PPARGC1B: variants seen among roughly 807,000 people sequenced by gnomAD.
PPARGC1B encodes peroxisome proliferator-activated receptor gamma coactivator 1-beta.
Under a neutral mutation model 101.6 loss-of-function variants are expected in PPARGC1B, and 34 were observed. The ratio of observed to expected loss-of-function variants is 0.33; its 90% CI spans 0.25 to 0.45. The LOEUF is 0.45. PPARGC1B is among the 20% of genes least tolerant of loss of function. PPARGC1B has a pLI of 1.00. For synonymous variants in PPARGC1B, 548 were observed against 539.3 expected (o/e 1.02, Z -0.22); for missense variants, 1,234 against 1,317.6 (o/e 0.94, Z 0.98).
At chr5:149,857,468 A>G (rs1049571946), downstream of PPARGC1B, among the ~76,000 whole-genome samples, 2 of 152,212 alleles carry the variant, frequency 1.3e-5, no homozygotes, top group Non-Finnish European at 2.9e-5. Flanking sequence ...CCTGAGTGAC[A>G]CTTATTTCTC....
chr5:149,808,712 C>CTA (rs1757690094), intron 1 of PPARGC1B, among the ~76,000 whole-genome samples: 2 of 152,162 alleles, frequency 1.3e-5, no homozygotes, highest in Admixed American at 1.3e-4. Flanking sequence ...GTACACGGTC[C>CTA]TATACCCTTT....
At chr5:149,766,395 C>G (rs1755914449) in intron 1 of PPARGC1B, among the ~76,000 whole-genome samples, 1 of 152,174 alleles carries the variant, frequency 6.6e-6, no homozygotes, top group Non-Finnish European at 1.5e-5. Flanking sequence ...GACAGCTTGA[C>G]TAGCACTTTG....
chr5:149,813,265 C>A (rs1186867584), intron 1 of PPARGC1B, among the ~76,000 whole-genome samples: 1 of 152,202 alleles, frequency 6.6e-6, no homozygotes, highest in African/African-American at 2.4e-5. Context: ...TGCCTCAGAT[C>A]ATCAAATACA....
chr5:149,775,192 C>T (rs1272156316), intron 1 of PPARGC1B, among the ~76,000 whole-genome samples: 1 of 152,184 alleles, frequency 6.6e-6, no homozygotes, highest in East Asian at 1.9e-4. Context: ...GAAGCCATAA[C>T]TACAGCCCAG....
intron 1 of PPARGC1B, among the ~76,000 whole-genome samples, chr5:149,808,063 G>T (rs1757667249): frequency 6.6e-6 from 1 of 152,080 alleles, no homozygotes; most frequent in South Asian, 2.1e-4. Flanking sequence ...TAAAACAAAG[G>T]CAGAAACAGC....
rs535099824 is a variant in PPARGC1B, at chr5:149,838,545, G to T, written c.2618+1472G>T. Among the ~76,000 whole-genome samples the T allele has an allele frequency of 2.6e-5, 4 of 152,328 alleles. No homozygotes were observed. The South Asian group carries it at 8.3e-4, about 32-fold the overall frequency. On this transcript the variant is annotated intron_variant, in intron 8 of 11. Coordinates refer to ENST00000309241, the MANE Select transcript of PPARGC1B (RefSeq NM_133263.4). ...CACTCCATCTCCACATTAGGCAGTT[G>T]CCCAGGTTCTCTTCATGTTGAAATA...
chr5:149,833,790 T>G lies in PPARGC1B; in HGVS notation c.1705+12T>G, dbSNP rs1049632245. The G allele has an allele frequency of 6.7e-7, 1 of 1,484,440 alleles. No individual in the cohort carries two copies. Among genetic ancestry groups the G allele is most frequent in the African/African-American group, 1.4e-5 (1 of 71,914 alleles). 92.0% of individuals were successfully genotyped at this position (1,484,440 alleles called of 1,614,324 possible). On this transcript the variant is annotated intron_variant, in intron 5 of 11. Transcript: ENST00000309241. This position sits in a 1 kb window ranked among gnomAD's most constrained non-coding sequence, Gnocchi z 4.1. ...GCTCCCTCCCAGAGGTAGTCAGAGT[T>G]GGTGGTCTGCGAAGTGGGGGCAGGG...
chr5:149,765,335 T>C (rs1181517618), intron 1 of PPARGC1B, among the ~76,000 whole-genome samples: 1 of 152,204 alleles, frequency 6.6e-6, no homozygotes, highest in East Asian at 1.9e-4. Flanking sequence ...AAGGCCTCTC[T>C]CCAGGACCCC....
At chr5:149,754,144 A>C (rs1414436163) in intron 1 of PPARGC1B, among the ~76,000 whole-genome samples, 1 of 152,226 alleles carries the variant, frequency 6.6e-6, no homozygotes, top group Non-Finnish European at 1.5e-5. Context: ...GATCTTTGCC[A>C]ATCTGGAGTC....
intron 1 of PPARGC1B, among the ~76,000 whole-genome samples, chr5:149,775,538 A>G (rs188463587): frequency 6.6e-6 from 1 of 152,132 alleles, no homozygotes; most frequent in East Asian, 1.9e-4. Flanking sequence ...CAGTCTCCAC[A>G]CTCTTACCCC....
chr5:149,826,729 C>A lies in PPARGC1B; in HGVS notation c.309C>A (p.Ile103=). 1.2e-6 allele frequency: 2 copies of A among 1,614,014 alleles called. No homozygotes were observed. The highest frequency in any genetic ancestry group is 1.7e-6 in the Non-Finnish European group (2 of 1,179,984). The part of the protein sequence containing the change: ...LAELTKTLDD[I]PEDDVGLAAF... ...AGCTCACCAAGACCCTGGATGACAT[C>A]CCTGAAGATGACGTGGGTCTGGCTG... The change falls in exon 3 of 12, where the codon ATC becomes ATA. Residue 103 remains isoleucine (I), a synonymous_variant. Transcript: ENST00000309241.
Position 149,830,696 on chromosome 5 carries a change from G to A in PPARGC1B, c.466-71G>A, listed in dbSNP as rs558608743. The A allele has an allele frequency of 1.3e-5, 15 of 1,127,106 alleles. No individual in the cohort carries two copies. In the East Asian group the frequency reaches 3.5e-4, roughly 26 times the overall value. The allele number at this position is 1,127,106 out of a possible 1,614,324, so 69.8% of individuals were successfully genotyped here. A position where few individuals can be genotyped will look rare whatever the true frequency, so the allele number is the denominator to read the frequency against. On this transcript the variant is annotated intron_variant, in intron 3 of 11. Coordinates refer to ENST00000309241, the MANE Select transcript of PPARGC1B (RefSeq NM_133263.4). ...TGATGCCCAAGGTCAGTCCTGAGGG[G>A]CTGGCCATGCAGTCCATGTCCTCTG...
intron 1 of PPARGC1B, among the ~76,000 whole-genome samples, chr5:149,775,452 A>G (rs900733819): frequency 2.6e-5 from 4 of 152,150 alleles, no homozygotes; most frequent in Non-Finnish European, 1.5e-5. Flanking sequence ...ATGTGGCCAC[A>G]GGGATAAAGG....
chr5:149,737,832 A>G (rs1176725459), intron 1 of PPARGC1B, among the ~76,000 whole-genome samples: 1 of 152,170 alleles, frequency 6.6e-6, no homozygotes, highest in Non-Finnish European at 1.5e-5. Context: ...CGTCTCTACT[A>G]AAAATACAAA....
At position 149,840,089 on chromosome 5, in the gene PPARGC1B, C is replaced by T. The variant is rs566927619; in HGVS notation, c.2667C>T (p.His889=). Residue 889 remains histidine, a synonymous_variant, in exon 9 of 12, where the codon CAC becomes CAT. Transcript: ENST00000309241. ...PCSDRTPSIR[H]ARKRREKAIG... ...CAGACAGAACGCCAAGCATCCGGCACGCCAGGAAGCGGCGGGAAAAGGCCA... is the reference window on the plus strand; with the variant it reads ...CAGACAGAACGCCAAGCATCCGGCATGCCAGGAAGCGGCGGGAAAAGGCCA... 36 of 1,613,544 alleles carry T rather than the reference C, an allele frequency of 2.2e-5. No homozygotes were observed. The highest frequency in any genetic ancestry group is 3.3e-4 in the Middle Eastern group (2 of 6,060).
intron 1 of PPARGC1B, among the ~76,000 whole-genome samples, chr5:149,756,600 G>T (rs1157121324): frequency 3.9e-5 from 6 of 152,220 alleles, no homozygotes; most frequent in Non-Finnish European, 1.5e-5. Flanking sequence ...CCAGCGTCAG[G>T]TCTAAATGTC....
chr5:149,730,665 C>A lies in PPARGC1B; in HGVS notation c.78+245C>A, dbSNP rs1283451906. Among the ~76,000 whole-genome samples, 1 of 152,148 alleles carries A rather than the reference C, an allele frequency of 6.6e-6. No homozygotes were observed. The highest frequency in any genetic ancestry group is 1.5e-5 in the Non-Finnish European group (1 of 68,000). On this transcript the variant is annotated intron_variant, in intron 1 of 11. Coordinates refer to ENST00000309241, the MANE Select transcript of PPARGC1B (RefSeq NM_133263.4). This position sits in a 1 kb window ranked among gnomAD's most constrained non-coding sequence, Gnocchi z 4.0. ...CCGCTGGGGAGGGTCTAGCCTTGGC[C>A]GCTTGGAGTCTGCCACCCCGCGGGC... is the stretch of plus-strand genomic sequence containing the variant.
rs1026145291 is a variant in PPARGC1B at position 149,833,262 on chromosome 5, G to A, written c.1189G>A (p.Ala397Thr). The change falls in exon 5 of 12, where the codon GCA becomes ACA. Residue 397 changes from alanine to threonine, a missense_variant. This residue lies in a region of PPARGC1B where 734 missense variants were observed against 768.4 expected (regional missense o/e 0.96). Coordinates refer to ENST00000309241, the MANE Select transcript of PPARGC1B (RefSeq NM_133263.4). This position sits in a 1 kb window ranked among gnomAD's most constrained non-coding sequence, Gnocchi z 4.1. ...RPSSVEEVRI[A>T]ASPKSTGPRP... ...GTCCTCGGTGGAGGAGGTAAGGATC[G>A]CAGCTTCACCCAAGAGCACCGGGCC... 1.9e-6 allele frequency: 3 copies of A among 1,613,332 alleles called. No homozygotes were observed. Among genetic ancestry groups the A allele is most frequent in the Non-Finnish European group, 2.5e-6 (3 of 1,180,002 alleles).
rs1231480772 is a variant in PPARGC1B, at chr5:149,820,421, C to G, written c.79-12C>G. 1 of 1,611,800 alleles carries G rather than the reference C, an allele frequency of 6.2e-7. No individual in the cohort carries two copies. ...CAGCTCTGATCCACCTCTTTCCTTC[C>G]TGTCTCCTCAGGGTGGAGGGTCCGG... On this transcript the variant is annotated splice_polypyrimidine_tract_variant and intron_variant, in intron 1 of 11. Transcript: ENST00000309241.
Sources: allele counts gnomAD v4.1 joint callset (sites outside exome capture counted in the v4.1 genomes callset), GRCh38; gene constraint gnomAD v4.1.1; regional missense constraint gnomAD v4.1.1; non-coding constraint Gnocchi (gnomAD v3.1); transcripts MANE v1.5; gene names NCBI Gene and HGNC (gene_info 2026-07-23, HGNC 2026-07-21).